Variants in B3GALNT1 observed in about 807,000 individuals in gnomAD.
The protein encoded by B3GALNT1 is beta-1,3-N-acetylgalactosaminyltransferase 1 (Globoside blood group), also known as UDP-GalNAc:beta-1,3-N-acetylgalactosaminyltransferase 1.
B3GALNT1 carries 17 observed loss-of-function variants against 27.3 expected under a neutral mutation model. The ratio of observed to expected loss-of-function variants is 0.62; its 90% CI spans 0.43 to 0.94. The LOEUF (loss-of-function observed/expected upper bound fraction) is 0.94. B3GALNT1 is among the 40% of genes least tolerant of loss of function. The pLI is 0.00. For synonymous variants in B3GALNT1, 141 were observed against 144.0 expected (o/e 0.98, Z 0.15); for missense variants, 347 against 390.0 (o/e 0.89, Z 0.93).
chr3:161,099,180 G>C (rs543210618), intron 4 of B3GALNT1, among the ~76,000 whole-genome samples: 1 of 152,262 alleles, frequency 6.6e-6, no homozygotes, highest in East Asian at 1.9e-4. Context: ...AGGTTGACTG[G>C]AGCATCTTTG....
At chr3:161,093,330 T>C (rs543123114) in intron 4 of B3GALNT1, among the ~76,000 whole-genome samples, 59 of 152,326 alleles carry the variant, frequency 3.9e-4, no homozygotes, top group Non-Finnish European at 6.8e-4. Context: ...AAAAATATTT[T>C]TAAAACGATA....
At chr3:161,102,582 G>A (rs944974676) in intron 3 of B3GALNT1, among the ~76,000 whole-genome samples, 2 of 152,170 alleles carry the variant, frequency 1.3e-5, no homozygotes, top group Non-Finnish European at 2.9e-5. Flanking sequence ...TAGTATAAAA[G>A]CATTGTCCAT....
In B3GALNT1 at chr3:161,105,312, C is replaced by CCCGCAT. The variant is rs1254886483; in HGVS notation, c.-392_-387dup. 1 of 146,306 alleles carries CCCGCAT rather than the reference C, an allele frequency of 6.8e-6. No homozygotes were observed. The highest frequency in any genetic ancestry group is 1.5e-5 in the Non-Finnish European group (1 of 67,990). The allele number at this position is 146,306 out of a possible 1,614,324, so 9.1% of individuals were successfully genotyped here. On this transcript the variant is annotated 5_prime_UTR_variant, in exon 1 of 5. In the 5' UTR this introduces an upstream ATG that the reference lacks. Coordinates refer to ENST00000320474, the MANE Select transcript of B3GALNT1 (RefSeq NM_003781.4). ...TCTCCCTGCGCACACACGCAGCCTC[C>CCCGCAT]CCGCATCCGCACGCACGGCCGGGCG...
At chr3:161,096,729 T>A (rs1728374129) in intron 4 of B3GALNT1, among the ~76,000 whole-genome samples, 1 of 152,174 alleles carries the variant, frequency 6.6e-6, no homozygotes, top group Admixed American at 6.5e-5. Flanking sequence ...TTTGAGGCCC[T>A]CCCCTGATTA....
chr3:161,104,160 T>G, intron 2 of B3GALNT1, 159 bp downstream of exon 2: 1 of 416,530 alleles, frequency 2.4e-6, no homozygotes, highest in South Asian at 2.1e-5. Context: ...ACGATTCTGT[T>G]CTCCAGACTG....
chr3:161,092,905 G>C (rs1726060553), intron 4 of B3GALNT1, among the ~76,000 whole-genome samples: 1 of 151,606 alleles, frequency 6.6e-6, no homozygotes, highest in Non-Finnish European at 1.5e-5. Context: ...GACTACAGGT[G>C]CTCCACCACG....
At chr3:161,104,057 T>C (rs932108399) in intron 2 of B3GALNT1, 1 of 244,226 alleles carries the variant, frequency 4.1e-6, no homozygotes, top group Non-Finnish European at 8.1e-6. Flanking sequence ...GTGTTTATTT[T>C]CAGGTCTGGA....
intron 3 of B3GALNT1, 25 bp downstream of exon 3, chr3:161,103,402 A>G (rs907484855): frequency 2.2e-5 from 25 of 1,124,334 alleles, no homozygotes; most frequent in Non-Finnish European, 3.0e-5. Flanking sequence ...AGGATAATTT[A>G]TAAGTTAAAA....
At chr3:161,087,806 C>G (rs1722818289) in intron 4 of B3GALNT1, among the ~76,000 whole-genome samples, 2 of 152,166 alleles carry the variant, frequency 1.3e-5, no homozygotes, top group Admixed American at 1.3e-4. Context: ...TGTATATTTA[C>G]TGGACATCTG....
chr3:161,087,215 T>C (rs1722509565), intron 4 of B3GALNT1, among the ~76,000 whole-genome samples: 1 of 152,212 alleles, frequency 6.6e-6, no homozygotes, highest in South Asian at 2.1e-4. Context: ...TTCAAGGGGA[T>C]GTTACTAGCC....
intron 4 of B3GALNT1, among the ~76,000 whole-genome samples, chr3:161,089,251 C>A (rs1723641141): frequency 6.6e-6 from 1 of 152,186 alleles, no homozygotes; most frequent in Non-Finnish European, 1.5e-5. Flanking sequence ...ATTCAACAAA[C>A]AGAAGCTGTT....
chr3:161,094,202 A>G (rs1021384768), intron 4 of B3GALNT1, among the ~76,000 whole-genome samples: 1 of 152,190 alleles, frequency 6.6e-6, no homozygotes, highest in Non-Finnish European at 1.5e-5. Context: ...TCTTCTGACC[A>G]GAGCTGCTTT....
At chr3:161,097,198 T>C (rs1728663219) in intron 4 of B3GALNT1, among the ~76,000 whole-genome samples, 1 of 152,212 alleles carries the variant, frequency 6.6e-6, no homozygotes, top group African/African-American at 2.4e-5. Flanking sequence ...TTACCTTATC[T>C]GTAAAATGGG....
intron 2 of B3GALNT1, 115 bp downstream of exon 2, chr3:161,104,204 A>T: frequency 1.4e-6 from 1 of 708,836 alleles, no homozygotes; most frequent in Non-Finnish European, 2.1e-6. Flanking sequence ...TTTATCAGGC[A>T]TCGACACATG....
At chr3:161,101,084 C>T (rs1730981171) in intron 4 of B3GALNT1, 55 bp downstream of exon 4, 2 of 1,237,146 alleles carry the variant, frequency 1.6e-6, no homozygotes, top group South Asian at 2.5e-5. Flanking sequence ...TCTAATCTCA[C>T]AGCCTCCTGA....
rs1215486123 is a variant in B3GALNT1 at position 161,103,458 on chromosome 3, GT to G, written c.-162del. ...AATTCCAGATGAAATTAAAGCTTAA[GT>G]TTTTTGTTGTTTTCTGTATTCCATG... On this transcript the variant is annotated 5_prime_UTR_variant, in exon 3 of 5. It removes the in-frame stop codon of an upstream open reading frame in the 5' UTR. Transcript: ENST00000320474. 3 of 1,281,222 alleles carry G rather than the reference GT, an allele frequency of 2.3e-6. No individual in the cohort carries two copies. The African/African-American group carries it at 4.6e-5, about 20-fold the overall frequency. The allele number at this position is 1,281,222 out of a possible 1,614,324, so 79.4% of individuals were successfully genotyped here.
chr3:161,084,169 AC>A lies in B3GALNT1; in HGVS notation c.*1589del, dbSNP rs1720662350. ...TCTTCTGCAAAACCAGTCAAATCTA[AC>A]CATGCCACAAAAATAACTACCACCA... On this transcript the variant is annotated 3_prime_UTR_variant, in exon 5 of 5. Transcript: ENST00000320474. 1 of 152,170 alleles carries A rather than the reference AC, an allele frequency of 6.6e-6. No homozygotes were observed. 9.4% of individuals were successfully genotyped at this position (152,170 alleles called of 1,614,324 possible).
Position 161,104,377 on chromosome 3 carries a change from C to A in B3GALNT1, c.-279G>T, listed in dbSNP as rs1171649493. 4 of 1,289,162 alleles carry A rather than the reference C, an allele frequency of 3.1e-6. No homozygotes were observed. The highest frequency in any genetic ancestry group is 4.0e-6 in the Non-Finnish European group (4 of 988,634). The allele number at this position is 1,289,162 out of a possible 1,614,324, so 79.9% of individuals were successfully genotyped here. A position where few individuals can be genotyped will look rare whatever the true frequency, so the allele number is the denominator to read the frequency against. On this transcript the variant is annotated 5_prime_UTR_variant, in exon 2 of 5. Coordinates refer to ENST00000320474, the MANE Select transcript of B3GALNT1 (RefSeq NM_003781.4). Reference sequence around the variant, plus strand: ...ATTTCTTCCTTGATAGCTTTTCCCACAACGCAGCCACCTCCTAAACGCAGG... The same window carrying A: ...ATTTCTTCCTTGATAGCTTTTCCCAAAACGCAGCCACCTCCTAAACGCAGG...
chr3:161,090,047 C>A lies in B3GALNT1; in HGVS notation c.-34-3259G>T, dbSNP rs35965503. ...TCCTGCCACTGTACTCCAGCCTGGGCAACAGAGCAGCAAGACTGTCTCAAA... is the reference window on the plus strand; with the variant it reads ...TCCTGCCACTGTACTCCAGCCTGGGAAACAGAGCAGCAAGACTGTCTCAAA... On this transcript the variant is annotated intron_variant, in intron 4 of 4. Transcript: ENST00000320474. The A allele has an allele frequency of 2.1e-3, 389 of 181,548 alleles. No individual in the cohort carries two copies. Among genetic ancestry groups the A allele is most frequent in the African/African-American group, 8.7e-3 (366 of 42,276 alleles). The allele number at this position is 181,548 out of a possible 1,614,324, so 11.2% of individuals were successfully genotyped here. A position where few individuals can be genotyped will look rare whatever the true frequency, so the allele number is the denominator to read the frequency against.
Sources: gnomAD v4.1 joint callset for allele counts (sites outside exome capture counted in the v4.1 genomes callset) on GRCh38, gnomAD v4.1.1 for gene constraint, MANE v1.5 for transcripts, NCBI Gene and HGNC (gene_info 2026-07-23, HGNC 2026-07-21) for gene names.